The following LAP3 variants were observed in gnomAD, a reference collection of about 807,000 sequenced individuals.
LAP3 encodes the protein leucine aminopeptidase 3.
In LAP3, 46 loss-of-function variants were observed where a neutral mutation model predicts 58.8. The ratio of observed to expected loss-of-function variants is 0.78; its 90% CI spans 0.62 to 1.00. The LOEUF is 1.00. Ranked by LOEUF, LAP3 falls within the 50% of genes least tolerant of loss-of-function variation. The pLI, the probability that LAP3 is intolerant of heterozygous loss-of-function variation, is 0.00. For missense variants in LAP3, 615 were observed against 659.1 expected, an observed-to-expected ratio of 0.93 and a Z score of 0.73; for synonymous variants, 257 against 237.7, an observed-to-expected ratio of 1.08 and a Z score of -0.75.
chr4:17,607,183 T>A (rs1204316833), intron 12 of LAP3, among the ~76,000 whole-genome samples: 1 of 152,200 alleles, frequency 6.6e-6, no homozygotes, highest in Non-Finnish European at 1.5e-5. Context: ...AATATGGGAA[T>A]TCATTACCAT....
chr4:17,585,203 C>G, intron 6 of LAP3, 67 bp downstream of exon 6: 1 of 1,322,096 alleles, frequency 7.6e-7, no homozygotes. Context: ...ATCCTAAAAT[C>G]CAGCTCCCTC....
intron 1 of LAP3, 106 bp from the exon 2 acceptor site, chr4:17,579,718 C>T (rs1031394504): frequency 3.9e-5 from 23 of 587,028 alleles, no homozygotes; most frequent in Middle Eastern, 8.8e-4. Flanking sequence ...GGGGAGGACA[C>T]GGTTTGGGTG....
rs1232931972 is a variant in LAP3 at position 17,582,317 on chromosome 4, C to T, written c.303C>T (p.Leu101=). ...QDFPSVVLVG[L]GKKAAGIDEQ... is the part of the protein sequence containing the mutation. ...TCCCCAGCGTGGTGCTAGTTGGCCT[C>T]GGCAAAAAGGCAGCTGGAATCGACG... Residue 101 remains leucine, a synonymous_variant, in exon 4 of 13, where the codon CTC becomes CTT. Coordinates refer to ENST00000226299, the MANE Select transcript of LAP3 (RefSeq NM_015907.3). 74 of 1,614,030 alleles carry T rather than the reference C, an allele frequency of 4.6e-5. No homozygotes were observed. The highest frequency in any genetic ancestry group is 1.7e-4 in the Middle Eastern group (1 of 6,058).
At chr4:17,605,777 ATTG>A (rs1714112174) in intron 11 of LAP3, among the ~76,000 whole-genome samples, 1 of 151,854 alleles carries the variant, frequency 6.6e-6, no homozygotes, top group African/African-American at 2.4e-5. Flanking sequence ...CACCCACAAT[ATTG>A]TTGTTTTGAC....
chr4:17,604,870 C>G (rs1031330996), intron 11 of LAP3, among the ~76,000 whole-genome samples: 1 of 152,082 alleles, frequency 6.6e-6, no homozygotes, highest in African/African-American at 2.4e-5. Context: ...GGATGATGCC[C>G]CCTGCTCCCC....
intron 7 of LAP3, among the ~76,000 whole-genome samples, chr4:17,589,362 G>A (rs1345964704): frequency 6.6e-6 from 1 of 151,760 alleles, no homozygotes; most frequent in Non-Finnish European, 1.5e-5. Flanking sequence ...TGCCTGGCCG[G>A]TTTATAGTTT....
chr4:17,578,427 G>A (rs181299611), intron 1 of LAP3, among the ~76,000 whole-genome samples: 1 of 152,300 alleles, frequency 6.6e-6, no homozygotes, highest in East Asian at 1.9e-4. Flanking sequence ...CCAATGCCAA[G>A]GAAGGCCGTT....
intron 1 of LAP3, 72 bp from the exon 2 acceptor site, chr4:17,579,752 T>C: frequency 4.0e-6 from 3 of 744,078 alleles, no homozygotes; most frequent in Non-Finnish European, 6.6e-6. Context: ...CTTCTGGAAT[T>C]TGGGGACTCC....
At chr4:17,581,705 C>T (rs1713367438) in intron 2 of LAP3, 55 bp from the exon 3 acceptor site, 1 of 1,419,846 alleles carries the variant, frequency 7.0e-7, no homozygotes, top group Non-Finnish European at 9.9e-7. Flanking sequence ...GTGTGCCTTC[C>T]CAAGTGAACC....
chr4:17,598,894 T>G (rs1713914331), intron 10 of LAP3, among the ~76,000 whole-genome samples: 1 of 151,734 alleles, frequency 6.6e-6, no homozygotes, highest in Non-Finnish European at 1.5e-5. Flanking sequence ...GCACCACCAG[T>G]CCTGGCGAAT....
At chr4:17,606,462 C>T (rs1016926723) in intron 11 of LAP3, among the ~76,000 whole-genome samples, 4 of 152,162 alleles carry the variant, frequency 2.6e-5, no homozygotes, top group Non-Finnish European at 4.4e-5. Context: ...CCTCAGCCTC[C>T]GGAGTAGCTG....
At chr4:17,582,999 A>G (rs944832618) in intron 4 of LAP3, among the ~76,000 whole-genome samples, 1 of 152,208 alleles carries the variant, frequency 6.6e-6, no homozygotes, top group Non-Finnish European at 1.5e-5. Context: ...TTTACTTCAA[A>G]TATCATTGAA....
At chr4:17,591,366 C>T (rs954338438) in intron 7 of LAP3, among the ~76,000 whole-genome samples, 2 of 151,070 alleles carry the variant, frequency 1.3e-5, no homozygotes, top group African/African-American at 4.9e-5. Context: ...TCGTCTCAAA[C>T]TCCTGATCTC....
At position 17,584,418 on chromosome 4, in the gene LAP3, A is replaced by T. The variant is rs75307289; in HGVS notation, c.540-554A>T. On this transcript the variant is annotated intron_variant, in intron 5 of 12. Coordinates refer to ENST00000226299, the MANE Select transcript of LAP3 (RefSeq NM_015907.3). ...TCACCCACCTCTGTGCTGCCATAGG[A>T]AGAGCCAGGGTTGTGAAACACGTGC... 4.7e-3 allele frequency among the ~76,000 whole-genome samples: 722 copies of T among 152,288 alleles called. 8 individuals carry two copies. Among genetic ancestry groups the T allele is most frequent in the African/African-American group, 0.017 (697 of 41,562 alleles).
At chr4:17,580,009 C>A in intron 2 of LAP3, 70 bp downstream of exon 2, 1 of 911,284 alleles carries the variant, frequency 1.1e-6, no homozygotes, top group East Asian at 2.8e-5. Flanking sequence ...TCTTTCTTTT[C>A]TTTTTTGAAA....
rs1713418329 is a variant in LAP3, at chr4:17,583,493, G to T, written c.390G>T (p.Arg130Ser). Residue 130 changes from arginine to serine, a missense_variant, in exon 5 of 13, where the codon AGG becomes AGT. By Grantham distance (110) the Arg-to-Ser change is moderately radical (BLOSUM62 -1). Transcript: ENST00000226299. ...CTCTGTCTTTTCAAGCGGGGTGCAG[G>T]CAGATTCAAGACCTGGAGCTCTCGT... ...NIRAAVAAGC[R>S]QIQDLELSSV... 2.5e-6 allele frequency: 4 copies of T among 1,613,840 alleles called. No individual in the cohort carries two copies. The highest frequency in any genetic ancestry group is 2.5e-6 in the Non-Finnish European group (3 of 1,180,036).
In LAP3 at chr4:17,585,218, T is replaced by G. The variant is rs11942938; in HGVS notation, c.704+82T>G. 5.5e-3 allele frequency: 6,432 copies of G among 1,167,112 alleles called. 229 individuals are homozygous for G. The African/African-American group carries it at 0.083, about 15-fold the overall frequency. The allele number at this position is 1,167,112 out of a possible 1,614,324, so 72.3% of individuals were successfully genotyped here. A position where few individuals can be genotyped will look rare whatever the true frequency, so the allele number is the denominator to read the frequency against. ...ATCCTAAAATCCAGCTCCCTCACTT[T>G]TTAGAGGAATAACTTGAGACCAGAG... On this transcript the variant is annotated intron_variant, in intron 6 of 12. Transcript: ENST00000226299.
At chr4:17,594,247 G>T (rs939008702) in intron 7 of LAP3, among the ~76,000 whole-genome samples, 1 of 152,202 alleles carries the variant, frequency 6.6e-6, no homozygotes, top group African/African-American at 2.4e-5. Flanking sequence ...GATAAATGTG[G>T]CAGGTGGACA....
intron 5 of LAP3, chr4:17,584,700 CT>C: frequency 3.5e-6 from 1 of 282,328 alleles, no homozygotes; most frequent in Middle Eastern, 1.2e-3. Flanking sequence ...AGCACAGGCC[CT>C]TTTTCATGTA....
Sources: allele counts gnomAD v4.1 joint callset (sites outside exome capture counted in the v4.1 genomes callset), GRCh38; gene constraint gnomAD v4.1.1; transcripts MANE v1.5; gene names NCBI Gene and HGNC (gene_info 2026-07-23, HGNC 2026-07-21).